RMST: variants seen among roughly 807,000 people sequenced by gnomAD.
RMST encodes long intergenic non-protein coding RNA 54.
chr12:97,481,331 C>A (rs1875250596), intron 5 of RMST, among the ~76,000 whole-genome samples: 2 of 152,200 alleles, frequency 1.3e-5, no homozygotes, highest in South Asian at 4.2e-4. Context: ...CAAAGTGTCA[C>A]AAGAATGTGT....
At chr12:97,548,780 A>G (rs1291119822) in intron 11 of RMST, among the ~76,000 whole-genome samples, 1 of 152,146 alleles carries the variant, frequency 6.6e-6, no homozygotes, top group African/African-American at 2.4e-5. Context: ...TATAAATAAG[A>G]TCATGTCTGT....
chr12:97,522,387 C>A (rs1880601142), intron 10 of RMST, among the ~76,000 whole-genome samples: 1 of 152,172 alleles, frequency 6.6e-6, no homozygotes, highest in Non-Finnish European at 1.5e-5. Flanking sequence ...TTACATTACT[C>A]TTCAGAAACA....
chr12:97,539,459 G>C (rs1882336742), intron 11 of RMST, among the ~76,000 whole-genome samples: 1 of 151,408 alleles, frequency 6.6e-6, no homozygotes, highest in Non-Finnish European at 1.5e-5. Context: ...TGATTTGTCA[G>C]GTATGTTTAT....
chr12:97,531,121 A>G (rs544554061), intron 11 of RMST, among the ~76,000 whole-genome samples: 4 of 151,768 alleles, frequency 2.6e-5, no homozygotes, highest in African/African-American at 9.7e-5. Context: ...AATCTTTATC[A>G]GTTTTCAGAA....
chr12:97,487,783 C>A (rs1876278688), intron 5 of RMST, among the ~76,000 whole-genome samples: 1 of 152,196 alleles, frequency 6.6e-6, no homozygotes, highest in Non-Finnish European at 1.5e-5. Flanking sequence ...ATGTTTAGCT[C>A]CTCGCAGTCT....
rs111351782 is a variant in RMST at position 97,497,970 on chromosome 12, A to G, written n.1340+1914A>G. On this transcript the variant is annotated intron_variant and non_coding_transcript_variant, in intron 10 of 13. Coordinates refer to ENST00000640149, the Ensembl canonical transcript of RMST. ...GATTCATCTTGAAATATGAAGATCA[A>G]TCATCCATGGTTCAGGTCAAATACC... Among the ~76,000 whole-genome samples, 1,171 of 152,308 alleles carry G rather than the reference A, an allele frequency of 7.7e-3. 22 individuals are homozygous for G. Among genetic ancestry groups the G allele is most frequent in the African/African-American group, 0.026 (1,082 of 41,566 alleles).
chr12:97,467,465 T>C (rs1234587425), intron 5 of RMST, among the ~76,000 whole-genome samples: 1 of 152,016 alleles, frequency 6.6e-6, no homozygotes, highest in Non-Finnish European at 1.5e-5. Context: ...CAAATTTTTA[T>C]ACAATTTAAC....
intron 10 of RMST, among the ~76,000 whole-genome samples, chr12:97,500,086 T>TC (rs1380722464): frequency 6.6e-6 from 1 of 152,202 alleles, no homozygotes; most frequent in African/African-American, 2.4e-5. Context: ...TTGACATTTT[T>TC]CCCCATTACC....
At chr12:97,495,607 A>C (rs1004101246) in intron 9 of RMST, among the ~76,000 whole-genome samples, 2 of 152,044 alleles carry the variant, frequency 1.3e-5, no homozygotes, top group African/African-American at 2.4e-5. Flanking sequence ...AATATATAAA[A>C]TATATATTAT....
At chr12:97,515,105 C>G (rs1343374823) in intron 10 of RMST, among the ~76,000 whole-genome samples, 1 of 152,050 alleles carries the variant, frequency 6.6e-6, no homozygotes, top group Non-Finnish European at 1.5e-5. Flanking sequence ...AAATCATGAT[C>G]AATGAAAACT....
chr12:97,524,075 C>CAGAGAAAA (rs57255256), intron 10 of RMST, among the ~76,000 whole-genome samples: 4,957 of 56,094 alleles, frequency 0.088, 1,773 homozygotes, highest in Middle Eastern at 0.14. Context: ...GACTCTGTCT[C>CAGAGAAAA]AAAAAAAAAA....
chr12:97,546,553 G>A (rs1169223597), intron 11 of RMST, among the ~76,000 whole-genome samples: 1 of 152,056 alleles, frequency 6.6e-6, no homozygotes, highest in Non-Finnish European at 1.5e-5. Flanking sequence ...CTGCACTCCA[G>A]CCTGGGTGAC....
chr12:97,513,088 G>T (rs146062509), intron 10 of RMST, among the ~76,000 whole-genome samples: 1 of 152,172 alleles, frequency 6.6e-6, no homozygotes, highest in African/African-American at 2.4e-5. Flanking sequence ...CGCAAGCACC[G>T]CGCGCAGCCC....
intron 11 of RMST, among the ~76,000 whole-genome samples, chr12:97,544,487 T>A (rs1299509752): frequency 1.3e-5 from 2 of 151,726 alleles, no homozygotes; most frequent in Admixed American, 1.3e-4. Flanking sequence ...AATCAGAGAG[T>A]GGACAGTACG....
At chr12:97,540,983 T>C (rs1001969158) in intron 11 of RMST, among the ~76,000 whole-genome samples, 9 of 150,580 alleles carry the variant, frequency 6.0e-5, no homozygotes, top group African/African-American at 2.2e-4. Context: ...TAGATATAGA[T>C]AGATACACAA....
intron 5 of RMST, among the ~76,000 whole-genome samples, chr12:97,478,713 C>T (rs1220806335): frequency 6.6e-6 from 1 of 152,184 alleles, no homozygotes; most frequent in Non-Finnish European, 1.5e-5. Context: ...TAGTGACTGA[C>T]AGGGCTTAAA....
At chr12:97,534,950 A>T (rs1385794206) in intron 11 of RMST, among the ~76,000 whole-genome samples, 1 of 151,676 alleles carries the variant, frequency 6.6e-6, no homozygotes, top group East Asian at 1.9e-4. Flanking sequence ...TTTAGAGTAG[A>T]TGTACTATAA....
chr12:97,501,398 A>G (rs1265077274), intron 10 of RMST, among the ~76,000 whole-genome samples: 1 of 152,254 alleles, frequency 6.6e-6, no homozygotes, highest in Admixed American at 6.5e-5. Flanking sequence ...TGTAACCTAC[A>G]TAACTGAGAA....
Position 97,517,632 on chromosome 12 carries a change from T to G in RMST, n.1341-13023T>G, listed in dbSNP as rs1880065659. On this transcript the variant is annotated intron_variant and non_coding_transcript_variant, in intron 10 of 13. Coordinates refer to ENST00000640149, the Ensembl canonical transcript of RMST. ...TCCCACAATAACAGGTTTTTCAGAA[T>G]TTGAGATCATAACTGCATAGTTTTC... 2.0e-5 allele frequency among the ~76,000 whole-genome samples: 3 copies of G among 152,046 alleles called. No homozygotes were observed. In the South Asian group the frequency reaches 6.2e-4, roughly 31 times the overall value.
Sources: gnomAD v4.1 joint callset for allele counts (sites outside exome capture counted in the v4.1 genomes callset) on GRCh38, gnomAD v4.1.1 for gene constraint, MANE v1.5 for transcripts, NCBI Gene and HGNC (gene_info 2026-07-23, HGNC 2026-07-21) for gene names.